The following GOLGA5 variants were observed in gnomAD, a reference collection of about 807,000 sequenced individuals.
The protein encoded by GOLGA5 is golgin subfamily A member 5.
A neutral mutation model predicts 93.5 loss-of-function variants in GOLGA5; 50 were observed. That is an observed-to-expected ratio of 0.53 (90% CI 0.43 to 0.68). The LOEUF is 0.68. Ranked by LOEUF, GOLGA5 falls within the 30% of genes least tolerant of loss-of-function variation. The probability of loss-of-function intolerance (pLI) is 0.00; values close to 1 mark genes in which losing one functional copy is unlikely to be tolerated. For missense variants in GOLGA5, 760 were observed against 856.4 expected (o/e 0.89, Z 1.40); for synonymous variants, 312 against 304.5 (o/e 1.02, Z -0.26).
At position 92,824,662 on chromosome 14, in the gene GOLGA5, C is replaced by T. The variant is rs756294850; in HGVS notation, c.1719+18C>T. ...GGAATCAGGTATGAATCACTATTCA[C>T]AACTTGTGAAAAGATGCCACTGATA... is the stretch of plus-strand genomic sequence containing the variant. On this transcript the variant is annotated intron_variant, in intron 9 of 12. Transcript: ENST00000163416. 8.4e-6 allele frequency: 11 copies of T among 1,313,976 alleles called. No homozygotes were observed. In the South Asian group the frequency reaches 1.2e-4, roughly 15 times the overall value. The allele number at this position is 1,313,976 out of a possible 1,614,324, so 81.4% of individuals were successfully genotyped here. A position where few individuals can be genotyped will look rare whatever the true frequency, so the allele number is the denominator to read the frequency against.
At chr14:92,803,760 A>G (rs113344167) in intron 2 of GOLGA5, among the ~76,000 whole-genome samples, 1,707 of 152,342 alleles carry the variant, frequency 0.011, 42 homozygotes, top group African/African-American at 0.038. Flanking sequence ...ATGCTTGATC[A>G]TGCATACTGT....
chr14:92,828,506 A>G (rs1885464630), intron 9 of GOLGA5, among the ~76,000 whole-genome samples: 1 of 152,216 alleles, frequency 6.6e-6, no homozygotes, highest in Non-Finnish European at 1.5e-5. Context: ...CTGGTCACCC[A>G]AGAACTCTAA....
chr14:92,825,080 A>G (rs1885390052), intron 9 of GOLGA5, among the ~76,000 whole-genome samples: 1 of 152,194 alleles, frequency 6.6e-6, no homozygotes, highest in Admixed American at 6.5e-5. Flanking sequence ...AATGACACTC[A>G]TGTGCCTACC....
At chr14:92,838,259 T>C (rs1252359928) in intron 12 of GOLGA5, among the ~76,000 whole-genome samples, 1 of 152,174 alleles carries the variant, frequency 6.6e-6, no homozygotes, top group African/African-American at 2.4e-5. Flanking sequence ...TGTCTAAAAG[T>C]AGTTGGGTTG....
intron 2 of GOLGA5, among the ~76,000 whole-genome samples, chr14:92,805,217 A>AAGG (rs1884959955): frequency 6.6e-6 from 1 of 151,862 alleles, no homozygotes; most frequent in Non-Finnish European, 1.5e-5. Flanking sequence ...TTCTCTCCTT[A>AAGG]GTTTTGCTTG....
At chr14:92,815,362 CT>C (rs1566956349) in intron 6 of GOLGA5, among the ~76,000 whole-genome samples, 3 of 152,208 alleles carry the variant, frequency 2.0e-5, no homozygotes, top group African/African-American at 7.2e-5. Context: ...TGACCATATC[CT>C]TTTCTCTACT....
At chr14:92,818,327 T>C (rs1331545640) in intron 7 of GOLGA5, among the ~76,000 whole-genome samples, 1 of 152,270 alleles carries the variant, frequency 6.6e-6, no homozygotes, top group Non-Finnish European at 1.5e-5. Context: ...CTTACATTTA[T>C]TCCTTACCAT....
At position 92,830,003 on chromosome 14, in the gene GOLGA5, A is replaced by G. The variant is rs183075183; in HGVS notation, c.1720-3119A>G. On this transcript the variant is annotated intron_variant, in intron 9 of 12. Transcript: ENST00000163416. ...AGATTAGGACTCACTGAAGGCTCAA[A>G]TGATGGTTAGCATGTTTATTTAAAG... 7.9e-5 allele frequency among the ~76,000 whole-genome samples: 12 copies of G among 152,256 alleles called. 1 individual carries two copies. In the East Asian group the frequency reaches 1.9e-3, roughly 24 times the overall value.
intron 2 of GOLGA5, 133 bp from the exon 3 acceptor site, chr14:92,806,603 G>A (rs934897169): frequency 4.9e-5 from 31 of 635,768 alleles, no homozygotes; most frequent in African/African-American, 2.7e-4. Flanking sequence ...ATGAGCCACC[G>A]CGCCTAGCTG....
intron 9 of GOLGA5, among the ~76,000 whole-genome samples, chr14:92,825,246 T>C (rs1282363867): frequency 6.6e-6 from 1 of 152,238 alleles, no homozygotes; most frequent in African/African-American, 2.4e-5. Context: ...AGTCTTTATT[T>C]TTTAGTTAAT....
intron 8 of GOLGA5, among the ~76,000 whole-genome samples, chr14:92,822,755 C>T (rs1232300650): frequency 6.6e-6 from 1 of 152,134 alleles, no homozygotes; most frequent in Admixed American, 6.6e-5. Context: ...CTCCTGAGTT[C>T]AAGCAATTCT....
At chr14:92,806,566 G>A (rs980573418) in intron 2 of GOLGA5, among the ~76,000 whole-genome samples, 170 bp from the exon 3 acceptor site, 3 of 152,156 alleles carry the variant, frequency 2.0e-5, no homozygotes, top group African/African-American at 7.2e-5. Flanking sequence ...CCCTGCCTCG[G>A]CCTCCCAAAA....
chr14:92,824,521 G>A lies in GOLGA5; in HGVS notation c.1621-25G>A, dbSNP rs748062394. 5 of 1,272,204 alleles carry A rather than the reference G, an allele frequency of 3.9e-6. No individual in the cohort carries two copies. The South Asian group carries it at 4.9e-5, about 13-fold the overall frequency. The allele number at this position is 1,272,204 out of a possible 1,614,324, so 78.8% of individuals were successfully genotyped here. A position where few individuals can be genotyped will look rare whatever the true frequency, so the allele number is the denominator to read the frequency against. Reference sequence around the variant, plus strand: ...AATAGGGGACACTTATTTCGCTTCTGTTTTGTTTGTGCCTCACTTTGCAGG... The same window carrying A: ...AATAGGGGACACTTATTTCGCTTCTATTTTGTTTGTGCCTCACTTTGCAGG... On this transcript the variant is annotated intron_variant, in intron 8 of 12. Transcript: ENST00000163416.
rs770111862 is a variant in GOLGA5, at chr14:92,797,393, A to G, written c.-30-15A>G. ...GCCACTATGCCACACTGATCATTTT[A>G]TGTCCTTTTTACAGGTTTGCCAATA... On this transcript the variant is annotated splice_polypyrimidine_tract_variant and intron_variant, in intron 1 of 12. Transcript: ENST00000163416. 38 of 1,426,152 alleles carry G rather than the reference A, an allele frequency of 2.7e-5. No individual in the cohort carries two copies. The highest frequency in any genetic ancestry group is 2.0e-4 in the Middle Eastern group (1 of 5,016). The allele number at this position is 1,426,152 out of a possible 1,614,324, so 88.3% of individuals were successfully genotyped here.
Position 92,833,367 on chromosome 14 carries a change from CAAAA to C in GOLGA5, c.1945+21_1945+24del, listed in dbSNP as rs764372399. ...GTGAAGGTAATCAAAAAAGGAATCT[CAAAA>C]GAACATTTCATTCAAACATGCTTTT... On this transcript the variant is annotated intron_variant, in intron 10 of 12. Coordinates refer to ENST00000163416, the MANE Select transcript of GOLGA5 (RefSeq NM_005113.4). The C allele has an allele frequency of 1.4e-6, 2 of 1,427,410 alleles. No homozygotes were observed. The highest frequency in any genetic ancestry group is 4.5e-5 in the East Asian group (2 of 43,968). The allele number at this position is 1,427,410 out of a possible 1,614,324, so 88.4% of individuals were successfully genotyped here. A position where few individuals can be genotyped will look rare whatever the true frequency, so the allele number is the denominator to read the frequency against.
chr14:92,809,527 A>T lies in GOLGA5; in HGVS notation c.992+8A>T. The T allele has an allele frequency of 6.5e-7, 1 of 1,544,026 alleles. No individual in the cohort carries two copies. The highest frequency in any genetic ancestry group is 8.9e-7 in the Non-Finnish European group (1 of 1,117,932). ...ACAGAGTGAAAAATCACGGTAGGTG[A>T]TTCTATGAATAATGAAAAAAATGAG... On this transcript the variant is annotated splice_region_variant and intron_variant, in intron 4 of 12. Transcript: ENST00000163416.
intron 9 of GOLGA5, among the ~76,000 whole-genome samples, chr14:92,832,412 G>C (rs7141721): frequency 0.81 from 122,488 of 151,828 alleles, 49,939 homozygotes; most frequent in African/African-American, 0.91. Flanking sequence ...CCGGCATAGC[G>C]GAGGCTGGAG....
intron 2 of GOLGA5, among the ~76,000 whole-genome samples, chr14:92,802,218 C>T (rs1387315601): frequency 2.0e-5 from 3 of 152,054 alleles, no homozygotes; most frequent in African/African-American, 7.2e-5. Flanking sequence ...TTGTTTTCTC[C>T]ATAAAGATCT....
Position 92,811,542 on chromosome 14 carries a change from T to C in GOLGA5, c.1117-9T>C. 1 of 1,572,986 alleles carries C rather than the reference T, an allele frequency of 6.4e-7. No individual in the cohort carries two copies. The highest frequency in any genetic ancestry group is 8.7e-7 in the Non-Finnish European group (1 of 1,143,042). On this transcript the variant is annotated splice_polypyrimidine_tract_variant and intron_variant, in intron 5 of 12. Coordinates refer to ENST00000163416, the MANE Select transcript of GOLGA5 (RefSeq NM_005113.4). The stretch of plus-strand genomic sequence containing the variant: ...ATATCATTAATTATGATATAAAAAT[T>C]TGTCACAGAGCGAGTTTGCTGCACG...
Sources: gnomAD v4.1 joint callset for allele counts (sites outside exome capture counted in the v4.1 genomes callset) on GRCh38, gnomAD v4.1.1 for gene constraint, MANE v1.5 for transcripts, NCBI Gene and HGNC (gene_info 2026-07-23, HGNC 2026-07-21) for gene names.